The following DCAF12 variants were observed in gnomAD, a reference collection of about 807,000 sequenced individuals.
The protein encoded by DCAF12 is DDB1 and CUL4 associated factor 12.
DCAF12 carries 28 observed loss-of-function variants against 52.8 expected under a neutral mutation model. That is an observed-to-expected ratio of 0.53 (90% confidence interval 0.39 to 0.73). DCAF12 has a LOEUF of 0.73. DCAF12 is among the 30% of genes least tolerant of loss of function. The pLI, the probability that DCAF12 is intolerant of heterozygous loss-of-function variation, is 0.00. For missense variants in DCAF12, 425 were observed against 552.2 expected (o/e 0.77, Z 2.31); for synonymous variants, 196 against 215.5 (o/e 0.91, Z 0.79).
At chr9:34,121,116 T>G (rs1356185375) in intron 2 of DCAF12, among the ~76,000 whole-genome samples, 1 of 152,158 alleles carries the variant, frequency 6.6e-6, no homozygotes, top group African/African-American at 2.4e-5. Context: ...ATCATGCCAC[T>G]GTACTCCAGC....
intron 7 of DCAF12, among the ~76,000 whole-genome samples, chr9:34,091,651 A>AAAG (rs1347685249): frequency 6.6e-6 from 1 of 151,180 alleles, no homozygotes; most frequent in East Asian, 1.9e-4. Context: ...AAAAAAAAAA[A>AAAG]AAAAAAAAAA....
In DCAF12 at chr9:34,125,203, C is replaced by G; in HGVS notation, c.153G>C (p.Lys51Asn). Residue 51 changes from lysine to asparagine, a missense_variant, in exon 2 of 9, where the codon AAG becomes AAC. This residue lies in a region of DCAF12 where 89 missense variants were observed against 84.9 expected (regional missense o/e 1.05). Coordinates refer to ENST00000361264, the MANE Select transcript of DCAF12 (RefSeq NM_015397.4). Reference sequence around the variant, plus strand: ...CATTCTGTAGCCTGACTTCCCGGTTCTTCAAGTAGTATACTAAGGATCTCT... The same window carrying G: ...CATTCTGTAGCCTGACTTCCCGGTTGTTCAAGTAGTATACTAAGGATCTCT... ...PVKRSLVYYL[K>N]NREVRLQNET... 6.2e-7 allele frequency: 1 copy of G among 1,614,168 alleles called. No homozygotes were observed. The highest frequency in any genetic ancestry group is 8.5e-7 in the Non-Finnish European group (1 of 1,180,044).
At position 34,096,784 on chromosome 9, in the gene DCAF12, A is replaced by G. The variant is rs137967423; in HGVS notation, c.796-3T>C. ...TCCAGAGACACTGCTCCCAGTTCCTACAAGAGCAATGAAAACCAGGTTATA... is the reference window on the plus strand; with the variant it reads ...TCCAGAGACACTGCTCCCAGTTCCTGCAAGAGCAATGAAAACCAGGTTATA... On this transcript the variant is annotated splice_polypyrimidine_tract_variant and splice_region_variant and intron_variant, in intron 5 of 8. Transcript: ENST00000361264. 2.8e-4 allele frequency: 454 copies of G among 1,613,608 alleles called. No individual in the cohort carries two copies. The highest frequency in any genetic ancestry group is 3.7e-4 in the Non-Finnish European group (442 of 1,179,740).
intron 6 of DCAF12, chr9:34,093,793 C>A (rs1292069935): frequency 4.0e-6 from 1 of 247,248 alleles, no homozygotes; most frequent in South Asian, 5.4e-5. Flanking sequence ...AAGCCATAGT[C>A]CCACTCTGTT....
intron 2 of DCAF12, among the ~76,000 whole-genome samples, chr9:34,117,262 T>TA (rs914305085): frequency 1.3e-5 from 2 of 150,742 alleles, no homozygotes; most frequent in African/African-American, 4.8e-5. Flanking sequence ...CTTGATTTTT[T>TA]TTTTTTTTGA....
intron 4 of DCAF12, among the ~76,000 whole-genome samples, chr9:34,103,522 A>G (rs1828861879): frequency 6.6e-6 from 1 of 152,136 alleles, no homozygotes; most frequent in Admixed American, 6.6e-5. Context: ...ATGTTCAACA[A>G]TAGGGTTATA....
chr9:34,092,694 A>AC (rs1017087083), intron 7 of DCAF12, among the ~76,000 whole-genome samples: 71 of 151,508 alleles, frequency 4.7e-4, no homozygotes, highest in Middle Eastern at 3.4e-3. Context: ...CAAAAAAAAA[A>AC]AACAACAACA....
At chr9:34,104,871 T>C (rs1828880196) in intron 4 of DCAF12, among the ~76,000 whole-genome samples, 1 of 149,642 alleles carries the variant, frequency 6.7e-6, no homozygotes, top group East Asian at 2.0e-4. Flanking sequence ...TGAGCCAAGA[T>C]TGCACCATTG....
At chr9:34,103,523 T>C (rs998120458) in intron 4 of DCAF12, among the ~76,000 whole-genome samples, 2 of 151,984 alleles carry the variant, frequency 1.3e-5, no homozygotes, top group Admixed American at 6.6e-5. Flanking sequence ...TGTTCAACAA[T>C]AGGGTTATAT....
chr9:34,111,378 CA>C (rs1015446480), intron 2 of DCAF12, among the ~76,000 whole-genome samples: 10 of 152,204 alleles, frequency 6.6e-5, no homozygotes, highest in African/African-American at 2.4e-4. Context: ...CCAGGCTGAT[CA>C]AGTGCCTCTC....
chr9:34,093,242 A>G lies in DCAF12; in HGVS notation c.1024+44T>C, dbSNP rs1174028614. 6.2e-6 allele frequency: 10 copies of G among 1,609,882 alleles called. No individual in the cohort carries two copies. In the East Asian group the frequency reaches 2.0e-4, roughly 32 times the overall value. ...AAAGAAACTGAAAGTCAGAACCCAT[A>G]TGCAGTGCAGCTGTAGGCCTGAGGT... On this transcript the variant is annotated intron_variant, in intron 7 of 8. Coordinates refer to ENST00000361264, the MANE Select transcript of DCAF12 (RefSeq NM_015397.4).
At chr9:34,100,531 G>T (rs563247193) in intron 4 of DCAF12, among the ~76,000 whole-genome samples, 3 of 146,324 alleles carry the variant, frequency 2.1e-5, no homozygotes, top group Non-Finnish European at 4.5e-5. Flanking sequence ...GCCTCACTCT[G>T]TTGCCCAGGC....
chr9:34,094,495 G>A (rs1240712926), intron 6 of DCAF12, among the ~76,000 whole-genome samples: 1 of 151,374 alleles, frequency 6.6e-6, no homozygotes, highest in Admixed American at 6.6e-5. Context: ...CAAAAGGCTT[G>A]TGACTACAAA....
chr9:34,116,719 C>T (rs1172181688), intron 2 of DCAF12, among the ~76,000 whole-genome samples: 6 of 152,084 alleles, frequency 3.9e-5, no homozygotes, highest in East Asian at 3.9e-4. Context: ...CGGTGGCTCA[C>T]GCCTGTAATC....
intron 3 of DCAF12, 143 bp from the exon 4 acceptor site, chr9:34,106,637 A>G: frequency 1.6e-6 from 1 of 636,358 alleles, no homozygotes; most frequent in Non-Finnish European, 2.7e-6. Flanking sequence ...TGGTGGTCTC[A>G]ACCCACAGAG....
intron 2 of DCAF12, chr9:34,109,867 CA>C: frequency 7.3e-6 from 2 of 272,292 alleles, no homozygotes; most frequent in Non-Finnish European, 7.6e-6. Flanking sequence ...CTTATCAATG[CA>C]AAAGGTCTCG....
chr9:34,114,667 G>A (rs943093673), intron 2 of DCAF12, among the ~76,000 whole-genome samples: 9 of 152,150 alleles, frequency 5.9e-5, no homozygotes. Flanking sequence ...GCGCGGCAAG[G>A]TAAGCTCGAG....
chr9:34,102,329 A>G (rs1303393686), intron 4 of DCAF12, among the ~76,000 whole-genome samples: 1 of 152,134 alleles, frequency 6.6e-6, no homozygotes, highest in African/African-American at 2.4e-5. Context: ...TGAATGCTTA[A>G]AAAGATAAAT....
intron 2 of DCAF12, among the ~76,000 whole-genome samples, chr9:34,118,131 G>GT (rs34256400): frequency 2.6e-4 from 40 of 151,328 alleles, no homozygotes; most frequent in African/African-American, 9.2e-4. Context: ...TATTTCTTTT[G>GT]TTTTTTTTCC....
Sources: gnomAD v4.1 joint callset for allele counts (sites outside exome capture counted in the v4.1 genomes callset) on GRCh38, gnomAD v4.1.1 for gene constraint, gnomAD v4.1.1 regional missense constraint, MANE v1.5 for transcripts, NCBI Gene and HGNC (gene_info 2026-07-23, HGNC 2026-07-21) for gene names.